The following COL5A2 variants were observed in gnomAD, a reference collection of about 807,000 sequenced individuals.
The protein encoded by COL5A2 is collagen alpha-2(V) chain.
Under a neutral mutation model 208.2 loss-of-function variants are expected in COL5A2, and 23 were observed. The observed-to-expected ratio is 0.11, with a 90% CI of 0.08 to 0.16. The LOEUF (loss-of-function observed/expected upper bound fraction) is 0.16, where lower values mean the gene tolerates loss of function less well. Among genes scored for constraint, COL5A2 ranks in the 10% least tolerant of loss-of-function variants. The pLI is 1.00. For missense variants in COL5A2, 1,590 were observed against 1,956.4 expected, an observed-to-expected ratio of 0.81 and a Z score of 3.53; for synonymous variants, 625 against 628.5, an observed-to-expected ratio of 0.99 and a Z score of 0.08.
the COL5A2 span, among the ~76,000 whole-genome samples, chr2:189,426,177 T>C: frequency 6.6e-6 from 1 of 152,114 alleles, no homozygotes; most frequent in African/African-American, 2.4e-5. Context: ...ACTTGATAAG[T>C]TGTTATGACC....
chr2:189,141,665 T>G (rs1559122576), intron 1 of COL5A2, among the ~76,000 whole-genome samples: 1 of 152,220 alleles, frequency 6.6e-6, no homozygotes. Context: ...TTCCCCCGAA[T>G]TCTTGAAATT....
At chr2:189,041,718 T>C (rs764893773) in intron 49 of COL5A2, 25 bp from the exon 50 acceptor site, 44 of 1,568,510 alleles carry the variant, frequency 2.8e-5, no homozygotes, top group Non-Finnish European at 3.8e-5. Flanking sequence ...GACTGTAGTT[T>C]AGATTCTATG....
At chr2:189,152,627 A>G (rs996980314) in intron 1 of COL5A2, among the ~76,000 whole-genome samples, 3 of 152,284 alleles carry the variant, frequency 2.0e-5, no homozygotes, top group Admixed American at 1.3e-4. Context: ...AAATAGTTGC[A>G]GTATGAATTA....
chr2:189,224,549 C>T (rs1689389016), intron 1 of COL5A2, among the ~76,000 whole-genome samples: 1 of 151,804 alleles, frequency 6.6e-6, no homozygotes, highest in Admixed American at 6.6e-5. Flanking sequence ...ATTAGCTGGG[C>T]ATGGTGGCAC....
chr2:189,244,631 G>T, the COL5A2 span, among the ~76,000 whole-genome samples: 1 of 152,126 alleles, frequency 6.6e-6, no homozygotes, highest in Non-Finnish European at 1.5e-5. Context: ...TCAGCATTTT[G>T]GTCAAAGTCA....
At chr2:189,404,515 C>T in the COL5A2 span, among the ~76,000 whole-genome samples, 4 of 152,140 alleles carry the variant, frequency 2.6e-5, no homozygotes, top group Non-Finnish European at 5.9e-5. Flanking sequence ...ACCATTCGCT[C>T]CCCTGGTTAT....
the COL5A2 span, among the ~76,000 whole-genome samples, chr2:189,239,070 T>C: frequency 6.6e-6 from 1 of 152,152 alleles, no homozygotes; most frequent in African/African-American, 2.4e-5. Flanking sequence ...TCATCCCAAA[T>C]GAACTTTGGT....
intron 1 of COL5A2, among the ~76,000 whole-genome samples, chr2:189,132,454 C>T (rs1687734433): frequency 6.6e-6 from 1 of 152,146 alleles, no homozygotes; most frequent in Admixed American, 6.6e-5. Context: ...ACTATCTTAA[C>T]TTTATAATAA....
At chr2:189,431,121 TAACA>T in the COL5A2 span, among the ~76,000 whole-genome samples, 1 of 152,176 alleles carries the variant, frequency 6.6e-6, no homozygotes, top group South Asian at 2.1e-4. Context: ...GAAGGAAAAC[TAACA>T]AACAGAAAGG....
the COL5A2 span, among the ~76,000 whole-genome samples, chr2:189,415,078 A>C: frequency 1.1e-4 from 16 of 152,160 alleles, no homozygotes; most frequent in Non-Finnish European, 1.8e-4. Flanking sequence ...TAGTCTCTTA[A>C]GTTAAAAACT....
upstream of COL5A2, among the ~76,000 whole-genome samples, chr2:189,229,710 T>C (rs1444498507): frequency 1.3e-5 from 2 of 151,834 alleles, no homozygotes; most frequent in Non-Finnish European, 3.0e-5. Flanking sequence ...ACATATTCTA[T>C]GTTCATGCAT....
chr2:189,166,383 A>G (rs1234429004), intron 1 of COL5A2, among the ~76,000 whole-genome samples: 1 of 152,084 alleles, frequency 6.6e-6, no homozygotes, highest in Non-Finnish European at 1.5e-5. Flanking sequence ...TGGGCAGAGA[A>G]CTACCTATTC....
At chr2:189,404,029 C>A in the COL5A2 span, among the ~76,000 whole-genome samples, 1 of 152,186 alleles carries the variant, frequency 6.6e-6, no homozygotes, top group Non-Finnish European at 1.5e-5. Context: ...CCATGCCAGG[C>A]CCAGCTCTTC....
At chr2:189,306,102 A>G in the COL5A2 span, among the ~76,000 whole-genome samples, 1 of 152,212 alleles carries the variant, frequency 6.6e-6, no homozygotes. Context: ...TACAATACAG[A>G]CATTAAATCA....
chr2:189,191,170 C>CAAAAAAA (rs1288537416), intron 1 of COL5A2, among the ~76,000 whole-genome samples: 2 of 134,954 alleles, frequency 1.5e-5, no homozygotes, highest in Non-Finnish European at 3.1e-5. Context: ...AAACAAACAA[C>CAAAAAAA]AAAAAACAAC....
At chr2:189,064,968 C>A in intron 24 of COL5A2, 36 bp downstream of exon 24, 3 of 1,606,668 alleles carry the variant, frequency 1.9e-6, no homozygotes, top group Admixed American at 3.4e-5. Context: ...TGGAGCACCC[C>A]CCACGTAAGT....
chr2:189,038,847 G>T (rs1022621490), intron 51 of COL5A2, among the ~76,000 whole-genome samples: 20 of 151,964 alleles, frequency 1.3e-4, no homozygotes, highest in Non-Finnish European at 5.9e-5. Flanking sequence ...CCGCCACCAC[G>T]CCTGACTAAT....
chr2:189,336,823 TA>T, the COL5A2 span, among the ~76,000 whole-genome samples: 2 of 152,284 alleles, frequency 1.3e-5, no homozygotes, highest in East Asian at 3.9e-4. Flanking sequence ...ATTGTAAACT[TA>T]AGACCTTTCA....
intron 1 of COL5A2, among the ~76,000 whole-genome samples, chr2:189,166,236 C>A (rs1688461017): frequency 6.6e-6 from 1 of 152,136 alleles, no homozygotes; most frequent in Admixed American, 6.5e-5. Context: ...TACCCTCTCT[C>A]CTGTCTTCCA....
Sources: allele counts gnomAD v4.1 joint callset (sites outside exome capture counted in the v4.1 genomes callset), GRCh38; gene constraint gnomAD v4.1.1; transcripts MANE v1.5; gene names NCBI Gene and HGNC (gene_info 2026-07-23, HGNC 2026-07-21).